Variants in MACROD2 observed in about 807,000 individuals in gnomAD.
MACROD2 encodes the protein ADP-ribose glycohydrolase MACROD2.
Under a neutral mutation model 70.4 loss-of-function variants are expected in MACROD2, and 36 were observed. The observed-to-expected ratio is 0.51, with a 90% CI of 0.39 to 0.68. The LOEUF (loss-of-function observed/expected upper bound fraction) is 0.68, where lower values mean the gene tolerates loss of function less well. MACROD2 is among the 30% of genes least tolerant of loss of function. The pLI is 0.00. For synonymous variants in MACROD2, 172 were observed against 178.8 expected (o/e 0.96, Z 0.30); for missense variants, 496 against 538.4 (o/e 0.92, Z 0.78).
At chr20:15,182,961 CA>C (rs941751811) in intron 5 of MACROD2, among the ~76,000 whole-genome samples, 1 of 152,114 alleles carries the variant, frequency 6.6e-6, no homozygotes, top group African/African-American at 2.4e-5. Flanking sequence ...TCATTTTTTC[CA>C]GTCAGAAGCT....
intron 6 of MACROD2, among the ~76,000 whole-genome samples, chr20:15,260,691 T>G (rs2077241513): frequency 6.6e-6 from 1 of 151,982 alleles, no homozygotes; most frequent in Non-Finnish European, 1.5e-5. Flanking sequence ...ACCTCCACAC[T>G]GTTCTCCATA....
intron 10 of MACROD2, among the ~76,000 whole-genome samples, chr20:15,894,644 T>A (rs894303129): frequency 1.3e-5 from 2 of 152,222 alleles, no homozygotes; most frequent in Non-Finnish European, 2.9e-5. Flanking sequence ...AGGAGGAATA[T>A]TTCCTACTGA....
At chr20:15,087,441 A>G (rs1043190105) in intron 5 of MACROD2, among the ~76,000 whole-genome samples, 2 of 152,066 alleles carry the variant, frequency 1.3e-5, no homozygotes, top group Non-Finnish European at 2.9e-5. Flanking sequence ...ATAATGAAAG[A>G]CATTTCAATT....
At chr20:15,608,115 TCTTTAA>T (rs1181377848) in intron 8 of MACROD2, among the ~76,000 whole-genome samples, 2 of 152,230 alleles carry the variant, frequency 1.3e-5, no homozygotes, top group African/African-American at 4.8e-5. Context: ...GGCATGATAT[TCTTTAA>T]CTTTGTAGAT....
intron 5 of MACROD2, among the ~76,000 whole-genome samples, chr20:15,059,772 G>A (rs1015858147): frequency 2.6e-5 from 4 of 152,146 alleles, no homozygotes; most frequent in Non-Finnish European, 4.4e-5. Flanking sequence ...AATTTTTTAA[G>A]AGAAACTTTT....
At chr20:14,023,635 C>G (rs2053118466) in intron 2 of MACROD2, among the ~76,000 whole-genome samples, 1 of 152,152 alleles carries the variant, frequency 6.6e-6, no homozygotes. Flanking sequence ...CCAGTTTTCC[C>G]AACACTGTTT....
At chr20:15,182,210 G>T (rs557848006) in intron 5 of MACROD2, among the ~76,000 whole-genome samples, 8 of 152,236 alleles carry the variant, frequency 5.3e-5, no homozygotes, top group African/African-American at 1.4e-4. Context: ...TCTTCCCATA[G>T]TAACAAAACT....
chr20:14,324,859 A>C (rs552981416), intron 3 of MACROD2: 1 of 152,544 alleles, frequency 6.6e-6, no homozygotes, highest in African/African-American at 2.4e-5. Context: ...AGCTTTGCTG[A>C]CAATGGCTTT....
intron 6 of MACROD2, among the ~76,000 whole-genome samples, chr20:15,375,440 T>G (rs1399109484): frequency 2.6e-5 from 4 of 152,174 alleles, no homozygotes; most frequent in African/African-American, 9.7e-5. Context: ...TAATTTGGTA[T>G]GGCAGCTTCT....
chr20:14,094,993 A>C (rs1376464856), intron 3 of MACROD2, among the ~76,000 whole-genome samples: 1 of 151,900 alleles, frequency 6.6e-6, no homozygotes, highest in Non-Finnish European at 1.5e-5. Context: ...CTAAAATATT[A>C]CTTCTCTAAA....
At chr20:14,076,091 A>G (rs1011203510) in intron 2 of MACROD2, among the ~76,000 whole-genome samples, 1 of 152,222 alleles carries the variant, frequency 6.6e-6, no homozygotes, top group African/African-American at 2.4e-5. Flanking sequence ...AAACTATATT[A>G]CTTTGTTTAC....
At chr20:15,933,463 A>T in intron 11 of MACROD2, 125 bp downstream of exon 11, 4 of 835,636 alleles carry the variant, frequency 4.8e-6, no homozygotes, top group Non-Finnish European at 7.3e-6. Flanking sequence ...GTGTTCATTC[A>T]GGGTCTCCCT....
intron 3 of MACROD2, among the ~76,000 whole-genome samples, chr20:14,219,723 C>G (rs760089488): frequency 1.1e-4 from 17 of 152,172 alleles, no homozygotes; most frequent in Non-Finnish European, 2.1e-4. Context: ...AGGGTGTTCC[C>G]TTGATGTAGT....
intron 4 of MACROD2, among the ~76,000 whole-genome samples, chr20:14,568,202 G>T (rs1487970987): frequency 1.3e-5 from 2 of 151,974 alleles, no homozygotes; most frequent in Non-Finnish European, 2.9e-5. Context: ...AGAGTATTTT[G>T]ATCAGTTTTA....
At chr20:15,709,210 G>A (rs1024505959) in intron 8 of MACROD2, among the ~76,000 whole-genome samples, 1 of 152,204 alleles carries the variant, frequency 6.6e-6, no homozygotes, top group Non-Finnish European at 1.5e-5. Flanking sequence ...GCACCGCAAA[G>A]TCGGGCTGTG....
chr20:14,514,826 G>A (rs2085073336), intron 4 of MACROD2, among the ~76,000 whole-genome samples: 1 of 152,128 alleles, frequency 6.6e-6, no homozygotes. Context: ...ACAGAGAAAA[G>A]CCTCTTCTAG....
intron 3 of MACROD2, among the ~76,000 whole-genome samples, chr20:14,430,889 C>T (rs538505617): frequency 1.1e-4 from 16 of 152,222 alleles, no homozygotes; most frequent in Non-Finnish European, 1.8e-4. Flanking sequence ...TCCCAAAACA[C>T]GGAAGTCCAG....
chr20:14,043,137 C>T (rs1333021572), intron 2 of MACROD2, among the ~76,000 whole-genome samples: 1 of 152,070 alleles, frequency 6.6e-6, no homozygotes, highest in Non-Finnish European at 1.5e-5. Context: ...CTGGGCTGGT[C>T]TCAAACTCTT....
chr20:15,298,534 C>T (rs1347149024), intron 6 of MACROD2, among the ~76,000 whole-genome samples: 1 of 152,138 alleles, frequency 6.6e-6, no homozygotes, highest in Non-Finnish European at 1.5e-5. Context: ...CAAACAACCT[C>T]CAAGGGTAAA....
Sources: gnomAD v4.1 joint callset for allele counts (sites outside exome capture counted in the v4.1 genomes callset) on GRCh38, gnomAD v4.1.1 for gene constraint, MANE v1.5 for transcripts, NCBI Gene and HGNC (gene_info 2026-07-23, HGNC 2026-07-21) for gene names.